Variants in FLG observed in about 807,000 individuals in gnomAD.
The protein encoded by FLG is epidermal filaggrin.
In FLG, 6 loss-of-function variants were observed where a neutral mutation model predicts 3.8. That is an observed-to-expected ratio of 1.60 (90% CI 0.87 to 3.15). The LOEUF is 3.15. Among genes scored for constraint, FLG ranks in the 30% most tolerant of loss-of-function variants. The pLI is 0.00. For missense variants in FLG, 7,595 were observed against 5,050.9 expected (o/e 1.50, Z -15.27); for synonymous variants, 2,551 against 1,931.6 (o/e 1.32, Z -8.41).
chr1:152,310,972 C>G lies in FLG; in HGVS notation c.3914G>C (p.Gly1305Ala), dbSNP rs1415785789. ...HGSSREQSRD[G>A]SRHPGFHQED... is the part of the protein sequence containing the mutation. The stretch of plus-strand genomic sequence containing the variant: ...TTGATGGAACCCAGGGTGTCTGGAG[C>G]CATCTCTTGACTGCTCCCGAGAAGA... The change falls in exon 3 of 3, where the codon GGC becomes GCC. Residue 1305 changes from glycine to alanine, a missense_variant. Physicochemically the swap from Gly to Ala is moderately conservative, Grantham distance 60. Coordinates refer to ENST00000368799, the MANE Select transcript of FLG (RefSeq NM_002016.2). The G allele has an allele frequency of 1.9e-6, 3 of 1,613,930 alleles. No homozygotes were observed. Among genetic ancestry groups the G allele is most frequent in the South Asian group, 2.2e-5 (2 of 91,054 alleles).
chr1:152,309,143 C>T lies in FLG; in HGVS notation c.5743G>A (p.Gly1915Arg), dbSNP rs779859495. 12 of 1,613,686 alleles carry T rather than the reference C, an allele frequency of 7.4e-6. No homozygotes were observed. The South Asian group carries it at 9.9e-5, about 13-fold the overall frequency. ...SSGPRTSRNQ[G>R]SSVSQDSDSQ... ...TCACTGTCCTGGCTAACACTGGATC[C>T]CTGGTTCCTGCTTGTCCTGGGCCCT... The change falls in exon 3 of 3, where the codon GGA becomes AGA. Residue 1915 changes from glycine to arginine, a missense_variant. Gly to Arg is a moderately radical substitution (Grantham distance 125). Coordinates refer to ENST00000368799, the MANE Select transcript of FLG (RefSeq NM_002016.2).
In FLG at chr1:152,306,996, G is replaced by T; in HGVS notation, c.7890C>A (p.His2630Gln). 1 of 1,585,956 alleles carries T rather than the reference G, an allele frequency of 6.3e-7. No homozygotes were observed. The highest frequency in any genetic ancestry group is 8.6e-7 in the Non-Finnish European group (1 of 1,167,378). The change falls in exon 3 of 3, where the codon CAC becomes CAA. Residue 2630 changes from histidine to glutamine, a missense_variant. Coordinates refer to ENST00000368799, the MANE Select transcript of FLG (RefSeq NM_002016.2). ...CCTGTCCACCAGAGGAAGTCTGTGT[G>T]TGACGAGTGCCTGATTGTCTGGAGC... ...ADSSRQSGTR[H>Q]TQTSSGGQAA...
chr1:152,304,331 A>T lies in FLG; in HGVS notation c.10555T>A (p.Ser3519Thr). ...GCTGATTGTCCCTGGCCGGACTGTG[A>T]GTGTCTAGAGCTGTCCGCCTGAGTG... ...ASTQADSSRHSQSGQGQSAGP... is the reference protein window; with the variant it reads ...ASTQADSSRHTQSGQGQSAGP... Residue 3519 changes from serine to threonine, a missense_variant, in exon 3 of 3, where the codon TCA becomes ACA. By Grantham distance (58) the Ser-to-Thr change is moderately conservative. Coordinates refer to ENST00000368799, the MANE Select transcript of FLG (RefSeq NM_002016.2). The T allele has an allele frequency of 6.2e-7, 1 of 1,611,346 alleles. No individual in the cohort carries two copies. Among genetic ancestry groups the T allele is most frequent in the Non-Finnish European group, 8.5e-7 (1 of 1,178,826 alleles).
Position 152,314,256 on chromosome 1 carries a change from A to G in FLG, c.630T>C (p.Asn210=), listed in dbSNP as rs371861621. Residue 210 remains asparagine (N), a synonymous_variant, in exon 3 of 3, where the codon AAT becomes AAC. Transcript: ENST00000368799. ...TTTCATAATCATATACTCCTTCTTC[A>G]TTGTCTTCTTTCTCTTCAAGTCTTT... ...LSERLEEKED[N]EEGVYDYENT... 2 of 1,611,918 alleles carry G rather than the reference A, an allele frequency of 1.2e-6. No individual in the cohort carries two copies.
intron 1 of FLG, among the ~76,000 whole-genome samples, chr1:152,323,803 A>G (rs2101659737): frequency 6.6e-6 from 1 of 151,892 alleles, no homozygotes; most frequent in African/African-American, 2.4e-5. Flanking sequence ...ATATGTACAT[A>G]TGTGTAACCA....
intron 2 of FLG, chr1:152,315,100 A>G (rs1652731042): frequency 2.4e-6 from 1 of 416,220 alleles, no homozygotes; most frequent in Non-Finnish European, 4.2e-6. Context: ...ATTTACATTA[A>G]TTTTTAAATA....
chr1:152,314,894 A>G (rs1452520479), intron 2 of FLG, 147 bp from the exon 3 acceptor site: 2 of 914,572 alleles, frequency 2.2e-6, no homozygotes, highest in Admixed American at 2.6e-5. Flanking sequence ...TTTTTGTCTC[A>G]TCCTCATTCA....
rs567919288 is a variant in FLG at position 152,304,727 on chromosome 1, G to A, written c.10159C>T (p.Leu3387Phe). 3.1e-6 allele frequency: 5 copies of A among 1,613,466 alleles called. No individual in the cohort carries two copies. The highest frequency in any genetic ancestry group is 1.3e-5 in the African/African-American group (1 of 74,846). The change falls in exon 3 of 3, where the codon CTC becomes TTC. Residue 3387 changes from leucine to phenylalanine, a missense_variant. Transcript: ENST00000368799. The stretch of plus-strand genomic sequence containing the variant: ...TGTTCATGAGTGCTCACCTGGTAGA[G>A]GAAAGACCCTGAACGTCCAGACCTT... ...GGRSGRSGSFLYQVSTHEQSE... is the reference protein window; with the variant it reads ...GGRSGRSGSFFYQVSTHEQSE...
Position 152,312,916 on chromosome 1 carries a change from G to T in FLG, c.1970C>A (p.Ser657Tyr), listed in dbSNP as rs207460435. 1.2e-6 allele frequency: 2 copies of T among 1,613,984 alleles called. No individual in the cohort carries two copies. The highest frequency in any genetic ancestry group is 2.2e-5 in the East Asian group (1 of 44,850). The change falls in exon 3 of 3, where the codon TCC becomes TAC. Residue 657 changes from serine to tyrosine, a missense_variant. Coordinates refer to ENST00000368799, the MANE Select transcript of FLG (RefSeq NM_002016.2). Reference protein sequence around the residue: ...GSAQEQSRDGSRHPRSHHEDR... With the variant: ...GSAQEQSRDGYRHPRSHHEDR... ...TTCGTGATGGGACCTGGGGTGTCTG[G>T]AGCCATCTCTTGACTGCTCCTGAGC... is the stretch of plus-strand genomic sequence containing the variant.
In FLG at chr1:152,304,558, C is replaced by T. The variant is rs759316349; in HGVS notation, c.10328G>A (p.Arg3443Lys). The T allele has an allele frequency of 6.2e-6, 10 of 1,610,122 alleles. 1 individual carries two copies. In the Middle Eastern group the frequency reaches 4.9e-4, roughly 80 times the overall value. The change falls in exon 3 of 3, where the codon AGA (arginine) becomes AAA (lysine). Residue 3443 changes from arginine (R) to lysine (K), a missense_variant. By Grantham distance (26) the Arg-to-Lys change is conservative. Transcript: ENST00000368799. ...CTCGTAGTGGGATCCCTGCCTTCCT[C>T]TTCTGCTTGACCCCGGGTGTCCACG... ...TIRGHPGSSR[R>K]GRQGSHYEQS...
rs369395358 is a variant in FLG at position 152,304,666 on chromosome 1, G to A, written c.10220C>T (p.Thr3407Ile). Residue 3407 changes from threonine (T) to isoleucine (I), a missense_variant, in exon 3 of 3, where the codon ACT becomes ATT. By Grantham distance (89) the Thr-to-Ile change is moderately conservative. Coordinates refer to ENST00000368799, the MANE Select transcript of FLG (RefSeq NM_002016.2). ...ESAHGRTRTS[T>I]GRRQGSHHEQ... The stretch of plus-strand genomic sequence containing the variant: ...GTGGTGGGATCCTTGTCTTCGTCCA[G>A]TGCTGGTCCTGGTCCGCCCATGGGC... 2.5e-6 allele frequency: 4 copies of A among 1,611,880 alleles called. No homozygotes were observed. Among genetic ancestry groups the A allele is most frequent in the African/African-American group, 1.3e-5 (1 of 74,690 alleles).
rs1468459706 is a variant in FLG, at chr1:152,311,091, G to C, written c.3795C>G (p.His1265Gln). ...EQSSGSRTSR[H>Q]QGSSVSQDSD... ...TGTCCTGGCTAACACTGGATCCCTG[G>C]TGCCTGCTTGTCCTGGACCCCGATG... is the stretch of plus-strand genomic sequence containing the variant. Residue 1265 changes from histidine (H) to glutamine (Q), a missense_variant, in exon 3 of 3, where the codon CAC becomes CAG. Physicochemically the swap from His to Gln is conservative, Grantham distance 24 (BLOSUM62 0). Coordinates refer to ENST00000368799, the MANE Select transcript of FLG (RefSeq NM_002016.2). 6.2e-7 allele frequency: 1 copy of C among 1,613,880 alleles called. No homozygotes were observed. Among genetic ancestry groups the C allele is most frequent in the East Asian group, 2.2e-5 (1 of 44,830 alleles).
rs1401127947 is a variant in FLG, at chr1:152,308,623, C to T, written c.6263G>A (p.Gly2088Glu). Residue 2088 changes from glycine (G) to glutamate (E), a missense_variant, in exon 3 of 3, where the codon GGG (glycine) becomes GAG (glutamate). Transcript: ENST00000368799. ...AGTGCTCACCTGGTAGAGGAAAGAC[C>T]CTGAACGTCCAGAGCTTTCCCCTGA... ...GQSGESSGRS[G>E]SFLYQVSTHE... 6.2e-7 allele frequency: 1 copy of T among 1,614,058 alleles called. No homozygotes were observed. Among genetic ancestry groups the T allele is most frequent in the Non-Finnish European group, 8.5e-7 (1 of 1,179,994 alleles).
Position 152,313,281 on chromosome 1 carries a change from C to A in FLG, c.1605G>T (p.Ser535=), listed in dbSNP as rs368243694. Residue 535 remains serine (S), a synonymous_variant, in exon 3 of 3, where the codon TCG becomes TCT. Coordinates refer to ENST00000368799, the MANE Select transcript of FLG (RefSeq NM_002016.2). ...AACCTGAGTGTCCAGACCTATTTACCGATTGCTCGTGGTGGGATCCCTGCC... is the reference window on the plus strand; with the variant it reads ...AACCTGAGTGTCCAGACCTATTTACAGATTGCTCGTGGTGGGATCCCTGCC... ...GGRQGSHHEQ[S]VNRSGHSGSH... The A allele has an allele frequency of 1.2e-6, 2 of 1,613,782 alleles. No homozygotes were observed. Among genetic ancestry groups the A allele is most frequent in the Non-Finnish European group, 1.7e-6 (2 of 1,179,992 alleles).
In FLG at chr1:152,305,025, A is replaced by T. The variant is rs1246856999; in HGVS notation, c.9861T>A (p.Ala3287=). ...ATCTTGCCTGTTCATGGGATGATGC[A>T]GCCTGTCCACCAGAGGAAGTCTCTG... ...RHAETSSGGQ[A]ASSHEQARSS... Residue 3287 remains alanine (A), a synonymous_variant, in exon 3 of 3, where the codon GCT becomes GCA. Coordinates refer to ENST00000368799, the MANE Select transcript of FLG (RefSeq NM_002016.2). 6.2e-7 allele frequency: 1 copy of T among 1,613,804 alleles called. No homozygotes were observed. Among genetic ancestry groups the T allele is most frequent in the Non-Finnish European group, 8.5e-7 (1 of 1,179,978 alleles).
In FLG at chr1:152,310,582, G is replaced by T; in HGVS notation, c.4304C>A (p.Ser1435Tyr). The T allele has an allele frequency of 6.2e-7, 1 of 1,613,946 alleles. No homozygotes were observed. The highest frequency in any genetic ancestry group is 8.5e-7 in the Non-Finnish European group (1 of 1,179,970). Reference protein sequence around the residue: ...ESARGQSGESSGRSRSFLYQV... With the variant: ...ESARGQSGESYGRSRSFLYQV... The stretch of plus-strand genomic sequence containing the variant: ...GTAGAGGAAAGACCTTGAACGTCCA[G>T]AGCTTTCCCCTGACTGGCCACGTGC... Residue 1435 changes from serine (S) to tyrosine (Y), a missense_variant, in exon 3 of 3, where the codon TCT becomes TAT. Coordinates refer to ENST00000368799, the MANE Select transcript of FLG (RefSeq NM_002016.2).
chr1:152,310,610 A>G lies in FLG; in HGVS notation c.4276T>C (p.Ser1426Pro), dbSNP rs1652336621. Reference sequence around the variant, plus strand: ...CTTTCCCCTGACTGGCCACGTGCGGACTCTTTGTGGCTCTGCTGATGGGGC... The same window carrying G: ...CTTTCCCCTGACTGGCCACGTGCGGGCTCTTTGTGGCTCTGCTGATGGGGC... ...AGPHQQSHKE[S>P]ARGQSGESSG... The change falls in exon 3 of 3, where the codon TCC becomes CCC. Residue 1426 changes from serine (S) to proline (P), a missense_variant. Ser to Pro is a moderately conservative substitution (Grantham distance 74). Coordinates refer to ENST00000368799, the MANE Select transcript of FLG (RefSeq NM_002016.2). The G allele has an allele frequency of 4.3e-6, 7 of 1,613,192 alleles. No homozygotes were observed. Among genetic ancestry groups the G allele is most frequent in the Non-Finnish European group, 5.9e-6 (7 of 1,179,826 alleles).
At position 152,309,247 on chromosome 1, in the gene FLG, T is replaced by C. The variant is rs772199199; in HGVS notation, c.5639A>G (p.His1880Arg). ...NEKQSGDGSRHSGSRHHEASS... is the reference protein window; with the variant it reads ...NEKQSGDGSRRSGSRHHEASS... ...AGCTTCATGGTGACGCGACCCTGAGTGCCTGGAGCCGTCTCCTGATTGTTT... is the reference window on the plus strand; with the variant it reads ...AGCTTCATGGTGACGCGACCCTGAGCGCCTGGAGCCGTCTCCTGATTGTTT... The change falls in exon 3 of 3, where the codon CAC becomes CGC. Residue 1880 changes from histidine (H) to arginine (R), a missense_variant. His to Arg is a conservative substitution (Grantham distance 29). Transcript: ENST00000368799. The C allele has an allele frequency of 2.5e-6, 4 of 1,613,646 alleles. No homozygotes were observed. The highest frequency in any genetic ancestry group is 2.7e-5 in the African/African-American group (2 of 74,894).
chr1:152,314,057 C>T lies in FLG; in HGVS notation c.829G>A (p.Glu277Lys), dbSNP rs372997287. 1.7e-5 allele frequency: 27 copies of T among 1,614,094 alleles called. No individual in the cohort carries two copies. The highest frequency in any genetic ancestry group is 1.6e-4 in the Middle Eastern group (1 of 6,084). Residue 277 changes from glutamate (E) to lysine (K), a missense_variant, in exon 3 of 3, where the codon GAA becomes AAA. Physicochemically the swap from Glu to Lys is moderately conservative, Grantham distance 56. Transcript: ENST00000368799. ...SSSQVNRSRHENTSQVPLQES... is the reference protein window; with the variant it reads ...SSSQVNRSRHKNTSQVPLQES... ...TGCAATGGTACCTGGCTTGTATTTT[C>T]ATGTCTTGACCTGTTCACTTGAGAT...
Sources: allele counts gnomAD v4.1 joint callset (sites outside exome capture counted in the v4.1 genomes callset), GRCh38; gene constraint gnomAD v4.1.1; transcripts MANE v1.5; gene names NCBI Gene and HGNC (gene_info 2026-07-23, HGNC 2026-07-21).